The following ANKRD62 variants were observed in gnomAD, a reference collection of about 807,000 sequenced individuals.
ANKRD62 encodes ankyrin repeat domain-containing protein 62.
A neutral mutation model predicts 98.8 loss-of-function variants in ANKRD62; 61 were observed. The observed-to-expected ratio is 0.62, with a 90% CI of 0.50 to 0.76. The LOEUF (loss-of-function observed/expected upper bound fraction) is 0.76, where lower values mean the gene tolerates loss of function less well. Ranked by LOEUF, ANKRD62 falls within the 30% of genes least tolerant of loss-of-function variation. The probability of loss-of-function intolerance (pLI) is 0.00; values close to 1 mark genes in which losing one functional copy is unlikely to be tolerated. For synonymous variants in ANKRD62, 341 were observed against 367.9 expected, an observed-to-expected ratio of 0.93 and a Z score of 0.84; for missense variants, 933 against 1,082.9, an observed-to-expected ratio of 0.86 and a Z score of 1.94.
At chr18:12,098,561 T>C (rs972439564) in intron 5 of ANKRD62, 2 of 152,208 alleles carry the variant, frequency 1.3e-5, no homozygotes, top group Non-Finnish European at 2.9e-5. Context: ...ATTTGACTAG[T>C]TTGCTGACAA....
At chr18:12,157,369 C>T in the ANKRD62 span, among the ~76,000 whole-genome samples, 1 of 152,118 alleles carries the variant, frequency 6.6e-6, no homozygotes, top group Non-Finnish European at 1.5e-5. Context: ...TTGTGATGAA[C>T]CAGGCCCTAT....
chr18:12,102,157 G>C (rs8095234), intron 6 of ANKRD62: 722,777 of 1,146,508 alleles, frequency 0.63, 232,544 homozygotes, highest in Middle Eastern at 0.7. Flanking sequence ...TCCAAGGCCC[G>C]AGTAACTATG....
At chr18:12,095,008 A>G (rs1047733097) in intron 1 of ANKRD62, among the ~76,000 whole-genome samples, 163 bp from the exon 2 acceptor site, 2 of 151,774 alleles carry the variant, frequency 1.3e-5, no homozygotes, top group Non-Finnish European at 2.9e-5. Flanking sequence ...CAGCCTCAGC[A>G]GCACCTGGGA....
At chr18:12,167,095 T>G in the ANKRD62 span, among the ~76,000 whole-genome samples, 2 of 151,938 alleles carry the variant, frequency 1.3e-5, no homozygotes, top group African/African-American at 2.4e-5. Context: ...GGTGTACATG[T>G]GCCACATTAT....
At chr18:12,164,820 G>A in the ANKRD62 span, among the ~76,000 whole-genome samples, 2 of 151,796 alleles carry the variant, frequency 1.3e-5, no homozygotes, top group Admixed American at 1.3e-4. Flanking sequence ...GTCCAGACTA[G>A]GTCTGATTTT....
intron 4 of ANKRD62, among the ~76,000 whole-genome samples, 170 bp from the exon 5 acceptor site, chr18:12,097,470 G>A (rs953024361): frequency 6.6e-6 from 1 of 152,098 alleles, no homozygotes; most frequent in East Asian, 1.9e-4. Context: ...GGCTTTGGTG[G>A]CAATTTACAA....
intron 12 of ANKRD62, 97 bp from the exon 13 acceptor site, chr18:12,125,363 G>A (rs1267678863): frequency 5.2e-6 from 6 of 1,150,568 alleles, no homozygotes; most frequent in Non-Finnish European, 6.7e-6. Context: ...CTCTTTCATT[G>A]TATAAACGTA....
intron 8 of ANKRD62, 76 bp from the exon 9 acceptor site, chr18:12,115,011 TA>T (rs1409645893): frequency 8.9e-7 from 1 of 1,122,986 alleles, no homozygotes; most frequent in Non-Finnish European, 1.2e-6. Context: ...AGATTTTATA[TA>T]AAAAAGTTTT....
At chr18:12,134,318 T>C (rs750180466), downstream of ANKRD62, among the ~76,000 whole-genome samples, 12 of 152,330 alleles carry the variant, frequency 7.9e-5, no homozygotes, top group Admixed American at 2.0e-4. Context: ...TGACTAAAAT[T>C]GCAGTGTTTG....
intron 6 of ANKRD62, chr18:12,102,386 G>T (rs1909320598): frequency 6.9e-6 from 4 of 581,812 alleles, no homozygotes; most frequent in South Asian, 5.0e-5. Context: ...TGAGATAGGA[G>T]CAGGTGTGAC....
At chr18:12,154,778 C>T in the ANKRD62 span, among the ~76,000 whole-genome samples, 3 of 152,206 alleles carry the variant, frequency 2.0e-5, no homozygotes, top group Non-Finnish European at 2.9e-5. Flanking sequence ...CCACAGAATA[C>T]TATGCAACCA....
At chr18:12,169,850 A>C in the ANKRD62 span, among the ~76,000 whole-genome samples, 2 of 152,248 alleles carry the variant, frequency 1.3e-5, no homozygotes, top group South Asian at 4.1e-4. Context: ...TTCCTGGTTT[A>C]GTCTTGGGAG....
At chr18:12,106,449 C>T (rs1909415327) in intron 7 of ANKRD62, among the ~76,000 whole-genome samples, 1 of 152,142 alleles carries the variant, frequency 6.6e-6, no homozygotes, top group South Asian at 2.1e-4. Flanking sequence ...CAGAGTTACA[C>T]TTTTAATTCT....
At chr18:12,123,259 G>A (rs1909819880) in intron 11 of ANKRD62, among the ~76,000 whole-genome samples, 1 of 149,914 alleles carries the variant, frequency 6.7e-6, no homozygotes, top group African/African-American at 2.5e-5. Flanking sequence ...TTGCCATTTT[G>A]GCCAGACTGG....
the ANKRD62 span, among the ~76,000 whole-genome samples, chr18:12,136,316 C>T: frequency 6.6e-6 from 1 of 151,878 alleles, no homozygotes; most frequent in Non-Finnish European, 1.5e-5. Flanking sequence ...TTCCCCATTG[C>T]TTGTTTTTGT....
chr18:12,137,378 T>C, the ANKRD62 span, among the ~76,000 whole-genome samples: 1 of 152,338 alleles, frequency 6.6e-6, no homozygotes, highest in East Asian at 1.9e-4. Context: ...TGAACCAGCC[T>C]TGCATCCCAG....
chr18:12,138,429 G>C, the ANKRD62 span, among the ~76,000 whole-genome samples: 1 of 152,286 alleles, frequency 6.6e-6, no homozygotes, highest in Non-Finnish European at 1.5e-5. Context: ...TATAATTTCT[G>C]TTCTTTTACA....
chr18:12,098,806 T>G (rs1347933437), intron 5 of ANKRD62, among the ~76,000 whole-genome samples: 6 of 152,176 alleles, frequency 3.9e-5, no homozygotes, highest in Admixed American at 3.9e-4. Context: ...GTCTTCCATG[T>G]CAGTTGGGGA....
At chr18:12,175,568 G>A in the ANKRD62 span, among the ~76,000 whole-genome samples, 1 of 151,956 alleles carries the variant, frequency 6.6e-6, no homozygotes, top group Non-Finnish European at 1.5e-5. Flanking sequence ...TTGCCATGGG[G>A]GCCTCCCTGT....
Sources: allele counts gnomAD v4.1 joint callset (sites outside exome capture counted in the v4.1 genomes callset), GRCh38; gene constraint gnomAD v4.1.1; transcripts MANE v1.5; gene names NCBI Gene and HGNC (gene_info 2026-07-23, HGNC 2026-07-21).